Variants in PTPRN2 observed in about 807,000 individuals in gnomAD.
PTPRN2 encodes receptor-type tyrosine-protein phosphatase N2.
In PTPRN2, 74 loss-of-function variants were observed where a neutral mutation model predicts 118.8. The ratio of observed to expected loss-of-function variants is 0.62; its 90% CI spans 0.52 to 0.76. The LOEUF (loss-of-function observed/expected upper bound fraction) is 0.76, where lower values mean the gene tolerates loss of function less well. Among genes scored for constraint, PTPRN2 ranks in the 30% least tolerant of loss-of-function variants. The probability of loss-of-function intolerance (pLI) is 0.00; values close to 1 mark genes in which losing one functional copy is unlikely to be tolerated. For synonymous variants in PTPRN2, 641 were observed against 608.0 expected, an observed-to-expected ratio of 1.05 and a Z score of -0.80; for missense variants, 1,481 against 1,394.4, an observed-to-expected ratio of 1.06 and a Z score of -0.99.
intron 17 of PTPRN2, among the ~76,000 whole-genome samples, chr7:157,586,863 G>C (rs1217108312): frequency 6.6e-6 from 1 of 152,230 alleles, no homozygotes; most frequent in Non-Finnish European, 1.5e-5. Flanking sequence ...ACCAGCTCGG[G>C]CTGAGCGGAT....
intron 11 of PTPRN2, among the ~76,000 whole-genome samples, chr7:158,069,083 C>T (rs1347284158): frequency 1.3e-5 from 2 of 152,208 alleles, no homozygotes; most frequent in African/African-American, 4.8e-5. Context: ...GAAGCGGCCT[C>T]ATCTTGACAC....
intron 11 of PTPRN2, among the ~76,000 whole-genome samples, chr7:157,968,146 C>G (rs1802072014): frequency 6.6e-6 from 1 of 152,038 alleles, no homozygotes; most frequent in Non-Finnish European, 1.5e-5. Flanking sequence ...GCACCTGACT[C>G]AATATTAAAA....
chr7:158,185,662 C>G (rs555766893), intron 5 of PTPRN2, among the ~76,000 whole-genome samples: 17 of 152,294 alleles, frequency 1.1e-4, no homozygotes, highest in Admixed American at 9.8e-4. Context: ...CATGACCACA[C>G]CAGCTTTCCT....
At chr7:157,738,706 A>C (rs1790068618) in intron 12 of PTPRN2, among the ~76,000 whole-genome samples, 1 of 152,182 alleles carries the variant, frequency 6.6e-6, no homozygotes, top group Non-Finnish European at 1.5e-5. Flanking sequence ...GTTTCTGGAT[A>C]CGTGCTTGTT....
chr7:157,898,817 A>T, intron 11 of PTPRN2, 80 bp from the exon 12 acceptor site: 1 of 1,306,912 alleles, frequency 7.7e-7, no homozygotes, highest in Non-Finnish European at 1.1e-6. Flanking sequence ...ATTTTCCTCC[A>T]TTGAAAATTT....
intron 22 of PTPRN2, among the ~76,000 whole-genome samples, chr7:157,541,528 C>T (rs1798015124): frequency 1.3e-5 from 2 of 152,266 alleles, no homozygotes; most frequent in Admixed American, 1.3e-4. Context: ...GCGTATCTGC[C>T]TCCTCTCCCA....
intron 12 of PTPRN2, among the ~76,000 whole-genome samples, chr7:157,843,459 C>T (rs1808579013): frequency 6.6e-6 from 1 of 152,224 alleles, no homozygotes; most frequent in Non-Finnish European, 1.5e-5. Flanking sequence ...TGTGCGTTCT[C>T]TGCCTTCCTC....
chr7:157,937,436 T>G (rs1799780033), intron 11 of PTPRN2, among the ~76,000 whole-genome samples: 1 of 152,232 alleles, frequency 6.6e-6, no homozygotes, highest in African/African-American at 2.4e-5. Flanking sequence ...AAGCCCTTGA[T>G]GTCTGGAGCA....
At chr7:157,916,124 C>T (rs1201767788) in intron 11 of PTPRN2, among the ~76,000 whole-genome samples, 1 of 152,240 alleles carries the variant, frequency 6.6e-6, no homozygotes, top group Non-Finnish European at 1.5e-5. Flanking sequence ...TGCCGTGACT[C>T]TTGCTGGGAC....
At chr7:157,746,515 C>T (rs1800950606) in intron 12 of PTPRN2, among the ~76,000 whole-genome samples, 2 of 144,912 alleles carry the variant, frequency 1.4e-5, no homozygotes, top group East Asian at 2.2e-4. Context: ...CCACAGTCCA[C>T]ACGGGGCCCT....
At chr7:158,248,407 G>C (rs1436674103) in intron 3 of PTPRN2, among the ~76,000 whole-genome samples, 1 of 152,198 alleles carries the variant, frequency 6.6e-6, no homozygotes, top group Non-Finnish European at 1.5e-5. Flanking sequence ...GTGTTTCCCT[G>C]AAGGAACTGA....
Position 157,615,320 on chromosome 7 carries a change from C to G in PTPRN2, c.2344+6042G>C. On this transcript the variant is annotated intron_variant, in intron 15 of 22. Transcript: ENST00000389418. The surrounding 1 kb of genome is among the most constrained non-coding windows in gnomAD (Gnocchi z 4.3). ...CGGTGTGCGTGGGTTGCGGCTGGGTCTGCGCTGGGGTAGTGTAGGCTGCAC... is the reference window on the plus strand; with the variant it reads ...CGGTGTGCGTGGGTTGCGGCTGGGTGTGCGCTGGGGTAGTGTAGGCTGCAC... The G allele has an allele frequency of 2.6e-6, 1 of 391,944 alleles. No homozygotes were observed. Among genetic ancestry groups the G allele is most frequent in the Non-Finnish European group, 5.3e-6 (1 of 186,956 alleles). The allele number at this position is 391,944 out of a possible 1,614,324, so 24.3% of individuals were successfully genotyped here. A position where few individuals can be genotyped will look rare whatever the true frequency, so the allele number is the denominator to read the frequency against.
chr7:158,346,050 C>A (rs1807488450), intron 2 of PTPRN2, among the ~76,000 whole-genome samples: 1 of 152,148 alleles, frequency 6.6e-6, no homozygotes. Context: ...CAGAGCCAAA[C>A]CATATCAATG....
At chr7:157,960,324 G>A (rs1483112293) in intron 11 of PTPRN2, among the ~76,000 whole-genome samples, 1 of 152,250 alleles carries the variant, frequency 6.6e-6, no homozygotes. Flanking sequence ...AGTTAAAATG[G>A]TAAATTTTAC....
At position 157,881,174 on chromosome 7, in the gene PTPRN2, A is replaced by ATGATAAAATGAAGT. The variant is rs1796096013; in HGVS notation, c.1788+17498_1788+17499insACTTCATTTTATCA. 4.0e-5 allele frequency among the ~76,000 whole-genome samples: 6 copies of ATGATAAAATGAAGT among 151,016 alleles called. No homozygotes were observed. Among genetic ancestry groups the ATGATAAAATGAAGT allele is most frequent in the African/African-American group, 1.2e-4 (5 of 41,274 alleles). On this transcript the variant is annotated intron_variant, in intron 12 of 22. Coordinates refer to ENST00000389418, the MANE Select transcript of PTPRN2 (RefSeq NM_002847.5). The surrounding 1 kb of genome is among the most constrained non-coding windows in gnomAD (Gnocchi z 4.7). ...GATGGAGGTGTTTACAGGAATCATT[A>ATGATAAAATGAAGT]CGGTAAAATGAGGTCATGAGGGTAT...
chr7:157,709,000 G>T (rs1052180242), intron 12 of PTPRN2, among the ~76,000 whole-genome samples: 1 of 152,240 alleles, frequency 6.6e-6, no homozygotes, highest in Admixed American at 6.5e-5. Context: ...CTCCTGCTGG[G>T]GAGGGGAAGC....
chr7:158,095,082 C>T (rs1274131503), intron 10 of PTPRN2, among the ~76,000 whole-genome samples: 1 of 152,026 alleles, frequency 6.6e-6, no homozygotes, highest in Non-Finnish European at 1.5e-5. Flanking sequence ...CCTCCCTGCC[C>T]TGGGTTGCAG....
At chr7:157,697,865 C>T (rs1338953369) in intron 12 of PTPRN2, among the ~76,000 whole-genome samples, 5 of 149,036 alleles carry the variant, frequency 3.4e-5, no homozygotes, top group African/African-American at 1.0e-4. Flanking sequence ...GAGCCCTCAC[C>T]ATCTACTCAT....
chr7:157,747,845 G>T (rs1321575129), intron 12 of PTPRN2, among the ~76,000 whole-genome samples: 1 of 115,798 alleles, frequency 8.6e-6, no homozygotes, highest in Non-Finnish European at 1.7e-5. Flanking sequence ...TGGGCTGTCC[G>T]GGTGATTCTG....
Sources: allele counts gnomAD v4.1 joint callset (sites outside exome capture counted in the v4.1 genomes callset), GRCh38; gene constraint gnomAD v4.1.1; non-coding constraint Gnocchi (gnomAD v3.1); transcripts MANE v1.5; gene names NCBI Gene and HGNC (gene_info 2026-07-23, HGNC 2026-07-21).